Variants in ARHGEF26 observed in about 807,000 individuals in gnomAD.
ARHGEF26 encodes the protein Rho guanine nucleotide exchange factor (GEF) 26.
A neutral mutation model predicts 89.4 loss-of-function variants in ARHGEF26; 59 were observed. That is an observed-to-expected ratio of 0.66 (90% CI 0.54 to 0.82). The LOEUF is 0.82. ARHGEF26 is among the 40% of genes least tolerant of loss of function. The pLI, the probability that ARHGEF26 is intolerant of heterozygous loss-of-function variation, is 0.00. For missense variants in ARHGEF26, 1,234 were observed against 1,085.6 expected, an observed-to-expected ratio of 1.14 and a Z score of -1.92; for synonymous variants, 500 against 428.4, an observed-to-expected ratio of 1.17 and a Z score of -2.06.
chr3:154,257,111 G>GGTAA lies in ARHGEF26; in HGVS notation c.*1641_*1644dup, dbSNP rs1559934703. 12 of 1,128,048 alleles carry GGTAA rather than the reference G, an allele frequency of 1.1e-5. No individual in the cohort carries two copies. The highest frequency in any genetic ancestry group is 1.8e-5 in the South Asian group (1 of 54,620). 69.9% of individuals were successfully genotyped at this position (1,128,048 alleles called of 1,614,324 possible). On this transcript the variant is annotated 3_prime_UTR_variant, in exon 15 of 15. Transcript: ENST00000465093. ...TAAAGCTACAGAAGCCCAGTTGAGG[G>GGTAA]GTAAGTGTGCCTGGCTCACACAGCC...
At chr3:154,181,582 C>T (rs968499229) in intron 6 of ARHGEF26, among the ~76,000 whole-genome samples, 5 of 152,110 alleles carry the variant, frequency 3.3e-5, no homozygotes, top group South Asian at 2.1e-4. Flanking sequence ...CTGAGTGCTG[C>T]GCTGCTTAGT....
intron 7 of ARHGEF26, among the ~76,000 whole-genome samples, chr3:154,189,778 A>AG (rs934369861): frequency 6.6e-6 from 1 of 151,910 alleles, no homozygotes; most frequent in Non-Finnish European, 1.5e-5. Flanking sequence ...TTGGAAGGTG[A>AG]GGGAGGGGAC....
At chr3:154,226,208 A>G (rs2290155) in intron 11 of ARHGEF26, among the ~76,000 whole-genome samples, 198 bp downstream of exon 11, 29,869 of 152,122 alleles carry the variant, frequency 0.2, 3,257 homozygotes, top group South Asian at 0.36. Context: ...TCTGCATCAT[A>G]ATTCTTGCCA....
In ARHGEF26 at chr3:154,129,585, C is replaced by G. The variant is rs1576680626; in HGVS notation, c.1135C>G (p.Leu379Val). ...GTFDGEENAV[L>V]YQNYKEKALD... ...TTGTTTTCTTGCAGAAAATGCTGTC[C>G]TGTATCAAAACTACAAGGAAAAGGC... The change falls in exon 4 of 15, where the codon CTG becomes GTG. Residue 379 changes from leucine to valine, a missense_variant. Coordinates refer to ENST00000465093, the MANE Select transcript of ARHGEF26 (RefSeq NM_015595.4). The G allele has an allele frequency of 6.2e-7, 1 of 1,611,478 alleles. No individual in the cohort carries two copies. Among genetic ancestry groups the G allele is most frequent in the East Asian group, 2.2e-5 (1 of 44,846 alleles).
intron 4 of ARHGEF26, among the ~76,000 whole-genome samples, chr3:154,139,514 A>G (rs1719229392): frequency 6.6e-6 from 1 of 152,216 alleles, no homozygotes; most frequent in Admixed American, 6.5e-5. Flanking sequence ...GAATAACTGC[A>G]TAGAAAGGCT....
chr3:154,214,811 T>G (rs1715615139), intron 9 of ARHGEF26, among the ~76,000 whole-genome samples: 1 of 152,158 alleles, frequency 6.6e-6, no homozygotes, highest in Admixed American at 6.5e-5. Flanking sequence ...AGTTTCAGGT[T>G]GCTCCTGTCT....
chr3:154,228,421 G>A (rs1716623659), intron 11 of ARHGEF26, among the ~76,000 whole-genome samples: 1 of 150,820 alleles, frequency 6.6e-6, no homozygotes, highest in Non-Finnish European at 1.5e-5. Flanking sequence ...AGAGGCGTGA[G>A]CCACCGCACC....
intron 6 of ARHGEF26, among the ~76,000 whole-genome samples, chr3:154,157,220 C>T (rs552203800): frequency 1.3e-5 from 2 of 152,238 alleles, no homozygotes; most frequent in South Asian, 2.1e-4. Flanking sequence ...TGCAAGGCTC[C>T]TAAGTTCCAA....
intron 6 of ARHGEF26, among the ~76,000 whole-genome samples, chr3:154,178,385 C>T (rs1712964844): frequency 6.6e-6 from 1 of 152,144 alleles, no homozygotes; most frequent in South Asian, 2.1e-4. Context: ...CCCATTAGCG[C>T]TCACTCCGCA....
intron 11 of ARHGEF26, among the ~76,000 whole-genome samples, chr3:154,234,830 A>G (rs968335569): frequency 1.3e-5 from 2 of 152,030 alleles, no homozygotes; most frequent in East Asian, 1.9e-4. Flanking sequence ...CGGTGGCGCA[A>G]TCTCGGCTCA....
intron 12 of ARHGEF26, among the ~76,000 whole-genome samples, chr3:154,243,302 G>A (rs970098849): frequency 2.6e-5 from 4 of 152,138 alleles, no homozygotes; most frequent in Non-Finnish European, 4.4e-5. Context: ...TGCTGGTTTT[G>A]CCTTGTGTTT....
chr3:154,121,657 C>A (rs1456826033), intron 1 of ARHGEF26, 138 bp downstream of exon 1: 4 of 292,804 alleles, frequency 1.4e-5, no homozygotes, highest in Middle Eastern at 9.1e-4. Flanking sequence ...TCTTGTGCCT[C>A]GGCTTGCACT....
At chr3:154,221,253 AT>A (rs1716108171) in intron 10 of ARHGEF26, among the ~76,000 whole-genome samples, 1 of 152,212 alleles carries the variant, frequency 6.6e-6, no homozygotes, top group Non-Finnish European at 1.5e-5. Flanking sequence ...TCAGAGGAAA[AT>A]TGCTAATTGA....
At position 154,123,201 on chromosome 3, in the gene ARHGEF26, G is replaced by C; in HGVS notation, c.1083+126G>C. On this transcript the variant is annotated intron_variant, in intron 2 of 14. Coordinates refer to ENST00000465093, the MANE Select transcript of ARHGEF26 (RefSeq NM_015595.4). ...CGTTTTAATTCTGTGTTTTGCTCTT[G>C]ATTGCTAGTGTACATCCAGCTCTTG... The C allele has an allele frequency of 2.9e-6, 4 of 1,381,438 alleles. No homozygotes were observed. The South Asian group carries it at 5.7e-5, about 20-fold the overall frequency. The allele number at this position is 1,381,438 out of a possible 1,614,324, so 85.6% of individuals were successfully genotyped here. A position where few individuals can be genotyped will look rare whatever the true frequency, so the allele number is the denominator to read the frequency against.
At chr3:154,249,952 C>G (rs1718030528) in intron 12 of ARHGEF26, among the ~76,000 whole-genome samples, 1 of 152,182 alleles carries the variant, frequency 6.6e-6, no homozygotes, top group African/African-American at 2.4e-5. Flanking sequence ...TTTCCTGTCC[C>G]TAGAATCCAT....
At chr3:154,195,191 G>C (rs923148039) in intron 9 of ARHGEF26, among the ~76,000 whole-genome samples, 1 of 152,208 alleles carries the variant, frequency 6.6e-6, no homozygotes, top group Non-Finnish European at 1.5e-5. Context: ...CCTAACACAG[G>C]AGTGGCTGTG....
intron 10 of ARHGEF26, 124 bp from the exon 11 acceptor site, chr3:154,225,732 A>G (rs1045147357): frequency 9.5e-7 from 1 of 1,052,596 alleles, no homozygotes; most frequent in Non-Finnish European, 1.3e-6. Flanking sequence ...TTATATGCCT[A>G]TAAAACAATG....
At chr3:154,254,634 G>A (rs1270349389) in intron 13 of ARHGEF26, 86 bp from the exon 14 acceptor site, 1 of 1,039,154 alleles carries the variant, frequency 9.6e-7, no homozygotes, top group Non-Finnish European at 1.4e-6. Flanking sequence ...CTGAATTGCA[G>A]AGAAAAATAA....
At chr3:154,143,145 A>G (rs954350899) in intron 4 of ARHGEF26, among the ~76,000 whole-genome samples, 1 of 152,222 alleles carries the variant, frequency 6.6e-6, no homozygotes, top group African/African-American at 2.4e-5. Flanking sequence ...TTAATTGCAA[A>G]GCCAAGACAT....
Sources: allele counts gnomAD v4.1 joint callset (sites outside exome capture counted in the v4.1 genomes callset), GRCh38; gene constraint gnomAD v4.1.1; transcripts MANE v1.5; gene names NCBI Gene and HGNC (gene_info 2026-07-23, HGNC 2026-07-21).